The following KCNIP4 variants were observed in gnomAD, a reference collection of about 807,000 sequenced individuals.
KCNIP4 encodes the protein Kv channel-interacting protein 4.
In KCNIP4, 12 loss-of-function variants were observed where a neutral mutation model predicts 34.0. That is an observed-to-expected ratio of 0.35 (90% CI 0.23 to 0.57). KCNIP4 has a LOEUF of 0.57. Among genes scored for constraint, KCNIP4 ranks in the 20% least tolerant of loss-of-function variants. KCNIP4 has a pLI of 0.83. For missense variants in KCNIP4, 238 were observed against 311.7 expected, an observed-to-expected ratio of 0.76 and a Z score of 1.78; for synonymous variants, 124 against 102.2, an observed-to-expected ratio of 1.21 and a Z score of -1.29.
chr4:21,076,986 G>A (rs998913407), intron 1 of KCNIP4, among the ~76,000 whole-genome samples: 3 of 152,050 alleles, frequency 2.0e-5, no homozygotes, highest in South Asian at 2.1e-4. Flanking sequence ...TTAGCTGGGC[G>A]TGATGGCATG....
chr4:21,527,380 G>A (rs1295674580), intron 1 of KCNIP4, among the ~76,000 whole-genome samples: 2 of 152,038 alleles, frequency 1.3e-5, no homozygotes, highest in African/African-American at 4.8e-5. Context: ...ATTGAGACGT[G>A]GAATCCTTGG....
At chr4:21,112,700 G>T (rs1700569214) in intron 1 of KCNIP4, among the ~76,000 whole-genome samples, 1 of 152,180 alleles carries the variant, frequency 6.6e-6, no homozygotes, top group Non-Finnish European at 1.5e-5. Flanking sequence ...ACTTCAGAAA[G>T]CTGATCCACT....
intron 1 of KCNIP4, among the ~76,000 whole-genome samples, chr4:21,738,699 C>T (rs762657066): frequency 2.6e-5 from 4 of 152,088 alleles, no homozygotes; most frequent in South Asian, 2.1e-4. Flanking sequence ...CAGTTAAATG[C>T]AGTATACTTG....
intron 1 of KCNIP4, among the ~76,000 whole-genome samples, chr4:21,391,627 G>A (rs563979289): frequency 4.6e-5 from 7 of 151,990 alleles, no homozygotes; most frequent in South Asian, 4.2e-4. Context: ...CTCACTTGAC[G>A]CCATTCCCTA....
At chr4:21,168,425 A>G (rs931600394) in intron 1 of KCNIP4, among the ~76,000 whole-genome samples, 6 of 152,194 alleles carry the variant, frequency 3.9e-5, no homozygotes, top group African/African-American at 1.4e-4. Context: ...TGCACCAAAA[A>G]GAAGTATCCA....
chr4:21,694,924 AAAAAAAT>A (rs1712106101), intron 1 of KCNIP4, among the ~76,000 whole-genome samples: 1 of 94,800 alleles, frequency 1.1e-5, no homozygotes, highest in Non-Finnish European at 2.4e-5. Flanking sequence ...CAAAAAAAAA[AAAAAAAT>A]AAAAATAAAT....
At chr4:20,954,848 C>T (rs528114571) in intron 1 of KCNIP4, among the ~76,000 whole-genome samples, 64 of 152,156 alleles carry the variant, frequency 4.2e-4, no homozygotes, top group Non-Finnish European at 8.1e-4. Flanking sequence ...TGGTTTGGGT[C>T]GTGTAATCCT....
chr4:20,988,872 T>C (rs1210395827), intron 1 of KCNIP4, among the ~76,000 whole-genome samples: 1 of 152,250 alleles, frequency 6.6e-6, no homozygotes, highest in Non-Finnish European at 1.5e-5. Context: ...TATTCCCTTC[T>C]GCTCTCCTGT....
At chr4:21,738,229 T>C (rs983846860) in intron 1 of KCNIP4, among the ~76,000 whole-genome samples, 4 of 152,124 alleles carry the variant, frequency 2.6e-5, no homozygotes, top group African/African-American at 9.6e-5. Context: ...TTCCTCTTTA[T>C]ATAATCTACT....
chr4:21,291,935 GA>G (rs1202086938), intron 1 of KCNIP4, among the ~76,000 whole-genome samples: 9 of 74,220 alleles, frequency 1.2e-4, no homozygotes, highest in Admixed American at 5.0e-4. Flanking sequence ...AAGAAAGAAA[GA>G]AAAAAAAAGA....
In KCNIP4 at chr4:21,763,345, GC is replaced by G. The variant is rs1718185627; in HGVS notation, c.61+185225del. Reference sequence around the variant, plus strand: ...AGAGACAAAACGGGCAACTAGCTTAGCCTAGTTATAACTAACAAATACACTT... The same window carrying G: ...AGAGACAAAACGGGCAACTAGCTTAGCTAGTTATAACTAACAAATACACTT... On this transcript the variant is annotated intron_variant, in intron 1 of 8. Coordinates refer to ENST00000382152, the MANE Select transcript of KCNIP4 (RefSeq NM_025221.6). Among the ~76,000 whole-genome samples, 3 of 152,260 alleles carry G rather than the reference GC, an allele frequency of 2.0e-5. 1 individual carries two copies. In the South Asian group the frequency reaches 6.2e-4, roughly 32 times the overall value.
intron 1 of KCNIP4, among the ~76,000 whole-genome samples, chr4:21,299,003 A>T (rs1278879138): frequency 6.6e-6 from 1 of 152,070 alleles, no homozygotes; most frequent in Non-Finnish European, 1.5e-5. Context: ...CAGTTTTATG[A>T]CTTACTAGCT....
intron 1 of KCNIP4, among the ~76,000 whole-genome samples, chr4:21,364,551 C>T (rs755929252): frequency 5.9e-5 from 9 of 151,948 alleles, no homozygotes. Context: ...ATGGAAGGAC[C>T]TCAGTTAGGA....
In KCNIP4 at chr4:21,030,360, A is replaced by G. The variant is rs145769265; in HGVS notation, c.62-147651T>C. On this transcript the variant is annotated intron_variant, in intron 1 of 8. Transcript: ENST00000382152. ...GGGACTATCTAGTGGCAAGAAAACA[A>G]GCTCATGGCTCCTACTCATTCTATA... Among the ~76,000 whole-genome samples, 28 of 152,254 alleles carry G rather than the reference A, an allele frequency of 1.8e-4. 1 individual carries two copies. In the East Asian group the frequency reaches 5.2e-3, roughly 28 times the overall value.
intron 1 of KCNIP4, among the ~76,000 whole-genome samples, chr4:21,674,620 G>A (rs1191153036): frequency 6.6e-6 from 1 of 152,146 alleles, no homozygotes; most frequent in Non-Finnish European, 1.5e-5. Context: ...AGCTCAGATT[G>A]AGTGTCCTTA....
chr4:21,502,428 A>G (rs1271059670), intron 1 of KCNIP4, among the ~76,000 whole-genome samples: 1 of 152,092 alleles, frequency 6.6e-6, no homozygotes, highest in African/African-American at 2.4e-5. Flanking sequence ...TAAAAGAGAG[A>G]TGTCAAACAA....
intron 1 of KCNIP4, among the ~76,000 whole-genome samples, chr4:21,798,562 A>AAAAGAAAGAAAGAAAG (rs71193411): frequency 1.9e-4 from 22 of 116,966 alleles, no homozygotes; most frequent in Middle Eastern, 9.4e-3. Flanking sequence ...GAGAGAAAGA[A>AAAAGAAAGAAAGAAAG]AAAGAAAGAA....
At chr4:21,899,072 T>G (rs1332934135) in intron 1 of KCNIP4, among the ~76,000 whole-genome samples, 4 of 152,172 alleles carry the variant, frequency 2.6e-5, no homozygotes, top group African/African-American at 9.6e-5. Context: ...AATAGAACAC[T>G]AAGTAAATTT....
intron 1 of KCNIP4, among the ~76,000 whole-genome samples, chr4:21,562,363 G>A (rs889881956): frequency 2.3e-4 from 35 of 151,938 alleles, no homozygotes. Context: ...AGGTGGATGT[G>A]CCATTGACCA....
Sources: allele counts gnomAD v4.1 joint callset (sites outside exome capture counted in the v4.1 genomes callset), GRCh38; gene constraint gnomAD v4.1.1; transcripts MANE v1.5; gene names NCBI Gene and HGNC (gene_info 2026-07-23, HGNC 2026-07-21).